The following PAICS variants were observed in gnomAD, a reference collection of about 807,000 sequenced individuals.
PAICS encodes bifunctional phosphoribosylaminoimidazole carboxylase/phosphoribosylaminoimidazole succinocarboxamide synthetase.
In PAICS, 33 loss-of-function variants were observed where a neutral mutation model predicts 53.7. The observed-to-expected ratio is 0.61, with a 90% CI of 0.47 to 0.82. The LOEUF is 0.82. Among genes scored for constraint, PAICS ranks in the 40% least tolerant of loss-of-function variants. The pLI is 0.00. For synonymous variants in PAICS, 141 were observed against 167.2 expected (o/e 0.84, Z 1.21); for missense variants, 394 against 494.1 (o/e 0.80, Z 1.92).
At chr4:56,458,074 G>A (rs933911249) in intron 8 of PAICS, among the ~76,000 whole-genome samples, 1 of 152,094 alleles carries the variant, frequency 6.6e-6, no homozygotes, top group African/African-American at 2.4e-5. Flanking sequence ...AGATACCCAT[G>A]GAGCTTACAA....
At chr4:56,419,721 G>C in the PAICS span, 1 of 982,650 alleles carries the variant, frequency 1.0e-6, no homozygotes, top group East Asian at 1.1e-4. Flanking sequence ...GGCTCTAATA[G>C]ACATCTGGTC....
chr4:56,461,878 T>A lies in PAICS; in HGVS notation c.*2340T>A, dbSNP rs1719529849. Reference sequence around the variant, plus strand: ...TATCCCAATAATACAGTTTTTAACCTTTTATGATAAAGACATGCTTAGAAT... The same window carrying A: ...TATCCCAATAATACAGTTTTTAACCATTTATGATAAAGACATGCTTAGAAT... On this transcript the variant is annotated 3_prime_UTR_variant, in exon 9 of 9. Transcript: ENST00000512576. 6.6e-6 allele frequency: 1 copy of A among 152,360 alleles called. No individual in the cohort carries two copies. Among genetic ancestry groups the A allele is most frequent in the African/African-American group, 2.4e-5 (1 of 41,576 alleles). 9.4% of individuals were successfully genotyped at this position (152,360 alleles called of 1,614,324 possible).
chr4:56,449,187 A>G (rs747928000), intron 5 of PAICS, among the ~76,000 whole-genome samples: 2 of 152,222 alleles, frequency 1.3e-5, no homozygotes, highest in Non-Finnish European at 2.9e-5. Flanking sequence ...GCATGTTACC[A>G]GGCCACATTT....
rs550190037 is a variant in PAICS at position 56,463,796 on chromosome 4, A to G, written c.*4258A>G. The stretch of plus-strand genomic sequence containing the variant: ...ACTGATGAGATGGCTAATTCTGTCA[A>G]CTTGACTAGGCTACGGGATGCCTTG... On this transcript the variant is annotated 3_prime_UTR_variant, in exon 9 of 9. Coordinates refer to ENST00000512576, the MANE Select transcript of PAICS (RefSeq NM_001079524.2). The G allele has an allele frequency of 6.6e-6, 1 of 152,282 alleles. No individual in the cohort carries two copies. Among genetic ancestry groups the G allele is most frequent in the Non-Finnish European group, 1.5e-5 (1 of 68,026 alleles). The allele number at this position is 152,282 out of a possible 1,614,324, so 9.4% of individuals were successfully genotyped here. A position where few individuals can be genotyped will look rare whatever the true frequency, so the allele number is the denominator to read the frequency against.
At position 56,436,266 on chromosome 4, in the gene PAICS, C is replaced by G; in HGVS notation, c.-47C>G. 6.3e-7 allele frequency: 1 copy of G among 1,581,120 alleles called. No individual in the cohort carries two copies. Among genetic ancestry groups the G allele is most frequent in the Non-Finnish European group, 8.6e-7 (1 of 1,163,874 alleles). ...CTGACCACCCCTCTTTTCTAGAGTTCTGCCTCGCTTCCCGGCGCGGTCGCA... is the reference window on the plus strand; with the variant it reads ...CTGACCACCCCTCTTTTCTAGAGTTGTGCCTCGCTTCCCGGCGCGGTCGCA... On this transcript the variant is annotated 5_prime_UTR_variant, in exon 1 of 9. Transcript: ENST00000512576.
intron 6 of PAICS, 92 bp downstream of exon 6, chr4:56,450,794 C>G: frequency 1.5e-6 from 1 of 682,544 alleles, no homozygotes; most frequent in South Asian, 1.7e-5. Context: ...GAGTATAGTG[C>G]TTTTCTTTTC....
chr4:56,435,549 G>A (rs189152163), upstream of PAICS: 8 of 1,607,032 alleles, frequency 5.0e-6, no homozygotes, highest in African/African-American at 8.0e-5. Context: ...CTGCCAGCTC[G>A]GCCCGTCGAG....
In PAICS at chr4:56,464,400, A is replaced by ATT. The variant is rs1553943798; in HGVS notation, c.*4862_*4863insTT. ...TTGTGAATACACAAAAGTAGGAAGG[A>ATT]CTCTGATCTCTAGAAAACAATTGTA... On this transcript the variant is annotated 3_prime_UTR_variant, in exon 9 of 9. Coordinates refer to ENST00000512576, the MANE Select transcript of PAICS (RefSeq NM_001079524.2). The ATT allele has an allele frequency of 1.3e-5, 2 of 151,888 alleles. No homozygotes were observed. The highest frequency in any genetic ancestry group is 2.4e-5 in the African/African-American group (1 of 41,298). The allele number at this position is 151,888 out of a possible 1,614,324, so 9.4% of individuals were successfully genotyped here.
the PAICS span, chr4:56,410,914 A>G: frequency 6.2e-5 from 61 of 977,640 alleles, no homozygotes; most frequent in Non-Finnish European, 7.2e-5. Context: ...AAAAAAAAAA[A>G]AAAAAAAAAA....
At chr4:56,424,321 T>C in the PAICS span, among the ~76,000 whole-genome samples, 999 of 152,266 alleles carry the variant, frequency 6.6e-3, 7 homozygotes, top group South Asian at 0.017. Context: ...ATCTAGCAGG[T>C]TGGAGTCAGT....
At chr4:56,442,122 C>T in intron 2 of PAICS, 1 of 326,178 alleles carries the variant, frequency 3.1e-6, no homozygotes. Context: ...CAGCTTACCT[C>T]TCCAAGGCCA....
upstream of PAICS, chr4:56,435,702 G>A (rs533162729): frequency 2.5e-5 from 37 of 1,464,980 alleles, no homozygotes; most frequent in Non-Finnish European, 2.9e-5. Context: ...AGGGCGGAGG[G>A]GCGGTCCCGC....
chr4:56,425,905 T>C, the PAICS span, among the ~76,000 whole-genome samples: 6 of 152,196 alleles, frequency 3.9e-5, no homozygotes, highest in African/African-American at 9.6e-5. Context: ...CCTTTATAAC[T>C]TCCCACAGAC....
At chr4:56,452,188 T>A in intron 7 of PAICS, 136 bp downstream of exon 7, 2 of 523,678 alleles carry the variant, frequency 3.8e-6, no homozygotes, top group South Asian at 5.9e-5. Context: ...CTAGGCTTTC[T>A]TTTTTTTTGA....
Position 56,453,586 on chromosome 4 carries a change from T to G in PAICS, c.953-17T>G. 1 of 1,550,300 alleles carries G rather than the reference T, an allele frequency of 6.5e-7. No individual in the cohort carries two copies. Among genetic ancestry groups the G allele is most frequent in the Non-Finnish European group, 8.8e-7 (1 of 1,135,882 alleles). On this transcript the variant is annotated splice_polypyrimidine_tract_variant and intron_variant, in intron 7 of 8. Coordinates refer to ENST00000512576, the MANE Select transcript of PAICS (RefSeq NM_001079524.2). Reference sequence around the variant, plus strand: ...TTTTGAATGTTTAGCATAATTATACTCTTGTCATTTCCCTAGGGGATGGCA... The same window carrying G: ...TTTTGAATGTTTAGCATAATTATACGCTTGTCATTTCCCTAGGGGATGGCA...
chr4:56,433,810 T>TC (rs1016446978), upstream of PAICS, among the ~76,000 whole-genome samples: 2 of 151,986 alleles, frequency 1.3e-5, no homozygotes, highest in African/African-American at 4.8e-5. Context: ...TTCTCCTGCC[T>TC]CAGCCTCCGG....
intron 8 of PAICS, among the ~76,000 whole-genome samples, chr4:56,456,926 C>G (rs1719240781): frequency 1.3e-5 from 2 of 151,918 alleles, no homozygotes; most frequent in South Asian, 4.1e-4. Flanking sequence ...CTATAAAAAA[C>G]AATTGGAAAC....
At chr4:56,442,102 ACT>A (rs1196761970) in intron 2 of PAICS, 12 of 412,802 alleles carry the variant, frequency 2.9e-5, no homozygotes, top group African/African-American at 2.4e-4. Context: ...TGGCACATGC[ACT>A]CTCTGTGCAG....
intron 1 of PAICS, among the ~76,000 whole-genome samples, 187 bp from the exon 2 acceptor site, chr4:56,441,476 G>A (rs1520024): frequency 1 from 152,309 of 152,328 alleles, 76,145 homozygotes; most frequent in Non-Finnish European, 1. Flanking sequence ...TTCTTCACAA[G>A]ATCATGTGAA....
Sources: gnomAD v4.1 joint callset for allele counts (sites outside exome capture counted in the v4.1 genomes callset) on GRCh38, gnomAD v4.1.1 for gene constraint, MANE v1.5 for transcripts, NCBI Gene and HGNC (gene_info 2026-07-23, HGNC 2026-07-21) for gene names.